PCDH15: variants seen among roughly 807,000 people sequenced by gnomAD.
The protein encoded by PCDH15 is protocadherin related 15, also known as protocadherin-15.
In PCDH15, 129 loss-of-function variants were observed where a neutral mutation model predicts 178.5. The observed-to-expected ratio is 0.72, with a 90% CI of 0.63 to 0.84. PCDH15 has a LOEUF of 0.84. Ranked by LOEUF, PCDH15 falls within the 40% of genes least tolerant of loss-of-function variation. PCDH15 has a pLI of 0.00. For synonymous variants in PCDH15, 800 were observed against 732.0 expected, an observed-to-expected ratio of 1.09 and a Z score of -1.50; for missense variants, 2,230 against 2,099.9, an observed-to-expected ratio of 1.06 and a Z score of -1.21.
chr10:53,871,451 C>CGTGTGTGTGTGTGTGTGT (rs71461208), intron 26 of PCDH15, among the ~76,000 whole-genome samples: 21 of 146,802 alleles, frequency 1.4e-4, no homozygotes. Context: ...TATATTCATA[C>CGTGTGTGTGTGTGTGTGT]GTGTGTGTGT....
chr10:53,997,326 A>C (rs2091903692), intron 20 of PCDH15, among the ~76,000 whole-genome samples: 1 of 152,078 alleles, frequency 6.6e-6, no homozygotes, highest in African/African-American at 2.4e-5. Flanking sequence ...GCAGGGAGTA[A>C]ATATATAAAA....
intron 8 of PCDH15, among the ~76,000 whole-genome samples, chr10:54,296,308 T>G (rs2059783114): frequency 6.6e-6 from 1 of 152,064 alleles, no homozygotes; most frequent in African/African-American, 2.4e-5. Context: ...ACTTCTGGGC[T>G]GAGCCGAGGG....
intron 2 of PCDH15, among the ~76,000 whole-genome samples, chr10:54,903,836 G>A (rs1954678442): frequency 6.6e-6 from 1 of 151,970 alleles, no homozygotes; most frequent in Non-Finnish European, 1.5e-5. Context: ...TTATTTAAAT[G>A]GTAGAGTTCA....
intron 1 of PCDH15, among the ~76,000 whole-genome samples, chr10:54,748,717 C>T (rs912338220): frequency 4.7e-4 from 71 of 152,284 alleles, no homozygotes; most frequent in African/African-American, 1.6e-3. Flanking sequence ...AGTTTGTCAA[C>T]ACTGTACCAG....
intron 1 of PCDH15, among the ~76,000 whole-genome samples, chr10:55,279,812 T>C (rs1054047852): frequency 1.3e-5 from 2 of 152,210 alleles, no homozygotes; most frequent in Admixed American, 1.3e-4. Flanking sequence ...GAGGTCCTCA[T>C]GGCTATTTAG....
chr10:55,463,644 G>A (rs577535098), intron 2 of PCDH15, among the ~76,000 whole-genome samples: 2 of 152,008 alleles, frequency 1.3e-5, no homozygotes, highest in Admixed American at 1.3e-4. Flanking sequence ...TGACACTGAA[G>A]GATAAACTGT....
At chr10:54,420,009 C>A (rs1955017208) in intron 3 of PCDH15, among the ~76,000 whole-genome samples, 1 of 151,968 alleles carries the variant, frequency 6.6e-6, no homozygotes, top group Non-Finnish European at 1.5e-5. Context: ...TGCAAGTGAA[C>A]CACTCTGGAT....
chr10:53,815,794 T>C (rs1194267752), intron 35 of PCDH15, among the ~76,000 whole-genome samples: 1 of 151,960 alleles, frequency 6.6e-6, no homozygotes, highest in East Asian at 1.9e-4. Flanking sequence ...CCATAGGCAA[T>C]TGGTAATATA....
At chr10:55,193,673 G>A (rs962787049) in intron 1 of PCDH15, among the ~76,000 whole-genome samples, 2 of 151,946 alleles carry the variant, frequency 1.3e-5, no homozygotes, top group African/African-American at 4.8e-5. Flanking sequence ...AATAATGATA[G>A]TTTTTCAACT....
chr10:55,545,330 C>T (rs908340008), intron 2 of PCDH15, among the ~76,000 whole-genome samples: 1 of 150,394 alleles, frequency 6.6e-6, no homozygotes, highest in Non-Finnish European at 1.5e-5. Flanking sequence ...GGCTGGAATG[C>T]AGTGGTAGCA....
At chr10:54,929,530 C>T (rs1837715285) in intron 2 of PCDH15, among the ~76,000 whole-genome samples, 1 of 152,098 alleles carries the variant, frequency 6.6e-6, no homozygotes, top group Non-Finnish European at 1.5e-5. Context: ...ACTCATATAC[C>T]AAACTACCTT....
intron 3 of PCDH15, among the ~76,000 whole-genome samples, chr10:54,512,413 G>T (rs1485188928): frequency 1.4e-5 from 2 of 143,438 alleles, no homozygotes; most frequent in South Asian, 2.2e-4. Flanking sequence ...ATTATTGGGG[G>T]ATGATGCGTA....
At chr10:54,905,611 T>C (rs552899466) in intron 2 of PCDH15, among the ~76,000 whole-genome samples, 1 of 152,246 alleles carries the variant, frequency 6.6e-6, no homozygotes, top group Admixed American at 6.5e-5. Flanking sequence ...CTGGGACAGT[T>C]ATAGGAAGCC....
chr10:54,595,790 G>A (rs1196239532), intron 2 of PCDH15, among the ~76,000 whole-genome samples: 1 of 152,076 alleles, frequency 6.6e-6, no homozygotes, highest in East Asian at 1.9e-4. Flanking sequence ...TGACAGGATA[G>A]AGCTGAAAAA....
At chr10:55,135,347 A>C (rs1234913952) in intron 2 of PCDH15, among the ~76,000 whole-genome samples, 1 of 152,036 alleles carries the variant, frequency 6.6e-6, no homozygotes, top group African/African-American at 2.4e-5. Flanking sequence ...AGCAGATAAG[A>C]AAGTCAGGGC....
At chr10:54,442,424 A>ATATATATATG (rs1169060866) in intron 3 of PCDH15, among the ~76,000 whole-genome samples, 6 of 76,520 alleles carry the variant, frequency 7.8e-5, no homozygotes, top group African/African-American at 3.7e-4. Context: ...CTATATATAT[A>ATATATATATG]TATATATATA....
At chr10:55,352,040 C>A (rs1844951163) in intron 2 of PCDH15, among the ~76,000 whole-genome samples, 1 of 152,074 alleles carries the variant, frequency 6.6e-6, no homozygotes, top group Admixed American at 6.6e-5. Flanking sequence ...AAATATTCAT[C>A]TTTTTATTGT....
intron 21 of PCDH15, among the ~76,000 whole-genome samples, chr10:53,986,697 C>T (rs2091126012): frequency 6.6e-6 from 1 of 152,130 alleles, no homozygotes; most frequent in Non-Finnish European, 1.5e-5. Flanking sequence ...ATCTTGAGGA[C>T]ATTATGGTAA....
Position 54,815,253 on chromosome 10 carries a change from G to A in PCDH15, c.-29+82197C>T, listed in dbSNP as rs763235238. Among the ~76,000 whole-genome samples the A allele has an allele frequency of 2.6e-5, 4 of 151,560 alleles. No individual in the cohort carries two copies. In the South Asian group the frequency reaches 8.3e-4, roughly 31 times the overall value. On this transcript the variant is annotated intron_variant, in intron 3 of 5. Transcript: ENST00000458638. ...GGCATGAATACATAAAATATATGTAGCTACTAGTCTATTTTATTATTTACT... is the reference window on the plus strand; with the variant it reads ...GGCATGAATACATAAAATATATGTAACTACTAGTCTATTTTATTATTTACT...
Sources: gnomAD v4.1 joint callset for allele counts (sites outside exome capture counted in the v4.1 genomes callset) on GRCh38, gnomAD v4.1.1 for gene constraint, MANE v1.5 for transcripts, NCBI Gene and HGNC (gene_info 2026-07-23, HGNC 2026-07-21) for gene names.